Variants in RIMS1 observed in about 807,000 individuals in gnomAD.
RIMS1 encodes the protein regulating synaptic membrane exocytosis 1.
RIMS1 carries 83 observed loss-of-function variants against 214.1 expected under a neutral mutation model. That is an observed-to-expected ratio of 0.39 (90% CI 0.32 to 0.47). The LOEUF is 0.47. Among genes scored for constraint, RIMS1 ranks in the 20% least tolerant of loss-of-function variants. The pLI, the probability that RIMS1 is intolerant of heterozygous loss-of-function variation, is 0.99. For missense variants in RIMS1, 2,050 were observed against 2,161.8 expected (o/e 0.95, Z 1.03); for synonymous variants, 793 against 786.8 (o/e 1.01, Z -0.13).
intron 4 of RIMS1, among the ~76,000 whole-genome samples, chr6:72,140,188 A>T (rs78890215): frequency 0.069 from 10,486 of 151,966 alleles, 418 homozygotes; most frequent in Non-Finnish European, 0.093. Context: ...TTTTTTATTT[A>T]AAAAAAATCA....
At chr6:72,270,904 A>G (rs1418220457) in intron 22 of RIMS1, among the ~76,000 whole-genome samples, 1 of 152,196 alleles carries the variant, frequency 6.6e-6, no homozygotes, top group Non-Finnish European at 1.5e-5. Flanking sequence ...ATGAGACTTA[A>G]GGGAAAGGAG....
At chr6:72,084,384 C>T (rs1252460929) in intron 2 of RIMS1, among the ~76,000 whole-genome samples, 2 of 152,248 alleles carry the variant, frequency 1.3e-5, no homozygotes, top group South Asian at 2.1e-4. Context: ...ATTTTCTTCT[C>T]TTGAATTGTA....
At chr6:72,243,866 G>A (rs1019335632) in intron 10 of RIMS1, among the ~76,000 whole-genome samples, 2 of 151,086 alleles carry the variant, frequency 1.3e-5, no homozygotes, top group Non-Finnish European at 3.0e-5. Flanking sequence ...GAATTCAAAG[G>A]ACATGGAATA....
rs564550492 is a variant in RIMS1, at chr6:72,387,645, A to T, written c.4367-2953A>T. 4.6e-5 allele frequency among the ~76,000 whole-genome samples: 7 copies of T among 152,378 alleles called. No individual in the cohort carries two copies. The South Asian group carries it at 1.2e-3, about 27-fold the overall frequency. ...TTCCACAATGACAAGTCAAGTGGAC[A>T]AGACAGAGTCCAAAAAGGGGATAGG... On this transcript the variant is annotated intron_variant, in intron 29 of 33. Coordinates refer to ENST00000521978, the MANE Select transcript of RIMS1 (RefSeq NM_014989.7).
intron 1 of RIMS1, among the ~76,000 whole-genome samples, chr6:71,945,009 T>C (rs1276838843): frequency 6.6e-6 from 1 of 152,170 alleles, no homozygotes; most frequent in Non-Finnish European, 1.5e-5. Flanking sequence ...TTTTCCTGAG[T>C]TACTATGTGC....
chr6:71,926,929 A>G (rs1781738747), intron 1 of RIMS1, among the ~76,000 whole-genome samples: 1 of 152,172 alleles, frequency 6.6e-6, no homozygotes. Context: ...TTCAAATATT[A>G]GAAAACAGAG....
chr6:72,144,451 G>C, intron 4 of RIMS1, among the ~76,000 whole-genome samples: 1 of 152,140 alleles, frequency 6.6e-6, no homozygotes, highest in Non-Finnish European at 1.5e-5. Flanking sequence ...CCTCCGTGAA[G>C]AGACATGTAT....
intron 19 of RIMS1, chr6:72,261,916 G>T (rs956054486): frequency 9.1e-6 from 9 of 984,714 alleles, no homozygotes; most frequent in Non-Finnish European, 9.6e-6. Context: ...ACCTACTGAA[G>T]GTCAAAGCAT....
At chr6:72,233,136 C>A (rs1217654248) in intron 6 of RIMS1, among the ~76,000 whole-genome samples, 1 of 151,754 alleles carries the variant, frequency 6.6e-6, no homozygotes, top group Non-Finnish European at 1.5e-5. Context: ...TTCTCAGATG[C>A]CTTCTTTAGC....
chr6:71,920,319 T>G (rs1779610148), intron 1 of RIMS1, among the ~76,000 whole-genome samples: 1 of 152,240 alleles, frequency 6.6e-6, no homozygotes, highest in Non-Finnish European at 1.5e-5. Context: ...TGTAGTTTAG[T>G]TAATAGTCAT....
chr6:72,258,128 G>A lies in RIMS1; in HGVS notation c.2774G>A (p.Gly925Asp), dbSNP rs774816032. 6 of 1,611,948 alleles carry A rather than the reference G, an allele frequency of 3.7e-6. No individual in the cohort carries two copies. Among genetic ancestry groups the A allele is most frequent in the Middle Eastern group, 1.6e-4 (1 of 6,062 alleles). ...TTTCTGTGTGTACTTTTGCCAGTAG[G>A]CTATAGGTCTAGTGCTAGAGAAAGT... ...DDGIGVVPPV[G>D]YRSSARESKS... Residue 925 changes from glycine to aspartate, a missense_variant, in exon 17 of 34, where the codon GGC (glycine) becomes GAC (aspartate). By Grantham distance (94) the Gly-to-Asp change is moderately conservative. Coordinates refer to ENST00000521978, the MANE Select transcript of RIMS1 (RefSeq NM_014989.7).
At chr6:71,992,442 CTT>C (rs759182374) in intron 2 of RIMS1, among the ~76,000 whole-genome samples, 1 of 144,318 alleles carries the variant, frequency 6.9e-6, no homozygotes, top group Non-Finnish European at 1.5e-5. Flanking sequence ...TTCTTTCTTT[CTT>C]TCTTTCTCTT....
At chr6:72,297,737 C>T (rs2094232047) in intron 26 of RIMS1, among the ~76,000 whole-genome samples, 1 of 151,988 alleles carries the variant, frequency 6.6e-6, no homozygotes, top group Non-Finnish European at 1.5e-5. Context: ...AAGAATGCTG[C>T]GCCTCTCCTT....
chr6:72,203,928 T>A (rs1353796863), intron 6 of RIMS1, among the ~76,000 whole-genome samples: 1 of 152,218 alleles, frequency 6.6e-6, no homozygotes, highest in African/African-American at 2.4e-5. Flanking sequence ...GAGAATTTTT[T>A]TTTGGTATCA....
intron 6 of RIMS1, among the ~76,000 whole-genome samples, chr6:72,212,347 T>C (rs2053968940): frequency 6.6e-6 from 1 of 151,288 alleles, no homozygotes; most frequent in Non-Finnish European, 1.5e-5. Context: ...TATTCACATA[T>C]ATATGTATTT....
chr6:72,390,982 C>T (rs1184607615), intron 30 of RIMS1: 1 of 368,894 alleles, frequency 2.7e-6, no homozygotes, highest in Non-Finnish European at 4.8e-6. Context: ...TTTCTTGCAT[C>T]TAGGAAAGCC....
chr6:71,945,937 G>A (rs1787678049), intron 1 of RIMS1, among the ~76,000 whole-genome samples: 1 of 151,940 alleles, frequency 6.6e-6, no homozygotes, highest in Non-Finnish European at 1.5e-5. Flanking sequence ...TTTTAGTGGA[G>A]ATGGGGTTTC....
chr6:72,332,079 T>G (rs2096679194), intron 28 of RIMS1, among the ~76,000 whole-genome samples: 1 of 151,788 alleles, frequency 6.6e-6, no homozygotes, highest in African/African-American at 2.4e-5. Context: ...GACAACAAAC[T>G]TGTTACATAA....
chr6:72,009,133 C>T (rs538691326), intron 2 of RIMS1, among the ~76,000 whole-genome samples: 1 of 152,140 alleles, frequency 6.6e-6, no homozygotes, highest in Non-Finnish European at 1.5e-5. Context: ...TCTCTCAGAC[C>T]ACAGTGCAAT....
Sources: allele counts gnomAD v4.1 joint callset (sites outside exome capture counted in the v4.1 genomes callset), GRCh38; gene constraint gnomAD v4.1.1; transcripts MANE v1.5; gene names NCBI Gene and HGNC (gene_info 2026-07-23, HGNC 2026-07-21).